Variants in GRM1 observed in about 807,000 individuals in gnomAD.
The protein encoded by GRM1 is glutamate metabotropic receptor 1.
A neutral mutation model predicts 90.9 loss-of-function variants in GRM1; 33 were observed. The ratio of observed to expected loss-of-function variants is 0.36; its 90% CI spans 0.28 to 0.49. The LOEUF is 0.49. Ranked by LOEUF, GRM1 falls within the 20% of genes least tolerant of loss-of-function variation. The pLI, the probability that GRM1 is intolerant of heterozygous loss-of-function variation, is 0.99. For synonymous variants in GRM1, 700 were observed against 613.2 expected (o/e 1.14, Z -2.09); for missense variants, 1,190 against 1,534.3 (o/e 0.78, Z 3.75).
chr6:146,310,882 C>A (rs1270905693), intron 3 of GRM1, among the ~76,000 whole-genome samples: 1 of 152,164 alleles, frequency 6.6e-6, no homozygotes, highest in Non-Finnish European at 1.5e-5. Flanking sequence ...CAACTCAGAG[C>A]AGCAGAACTT....
intron 1 of GRM1, among the ~76,000 whole-genome samples, chr6:146,134,872 A>T (rs1285593126): frequency 6.6e-6 from 1 of 152,164 alleles, no homozygotes; most frequent in Non-Finnish European, 1.5e-5. Context: ...CAGAGCTTGC[A>T]GTGAGCCAAG....
At chr6:146,418,582 C>T (rs1406753835) in intron 7 of GRM1, among the ~76,000 whole-genome samples, 2 of 150,882 alleles carry the variant, frequency 1.3e-5, no homozygotes, top group African/African-American at 4.9e-5. Flanking sequence ...TTTAAATTTT[C>T]CTGGGGATAT....
intron 5 of GRM1, among the ~76,000 whole-genome samples, chr6:146,386,334 G>C (rs1776500941): frequency 6.6e-6 from 1 of 152,016 alleles, no homozygotes; most frequent in Admixed American, 6.6e-5. Context: ...GAATTCACTA[G>C]AGAAAGTCAG....
intron 3 of GRM1, among the ~76,000 whole-genome samples, chr6:146,347,841 G>A (rs1583362422): frequency 6.6e-6 from 1 of 152,126 alleles, no homozygotes; most frequent in African/African-American, 2.4e-5. Context: ...ATACTGGATC[G>A]GGAACATGGT....
At chr6:146,039,583 G>A (rs1791021213) in intron 1 of GRM1, among the ~76,000 whole-genome samples, 1 of 152,048 alleles carries the variant, frequency 6.6e-6, no homozygotes, top group Middle Eastern at 3.4e-3. Context: ...GGAAAGCTTT[G>A]GAGAAGACAG....
At chr6:146,148,090 T>G (rs963346367) in intron 1 of GRM1, among the ~76,000 whole-genome samples, 2 of 152,182 alleles carry the variant, frequency 1.3e-5, no homozygotes, top group Non-Finnish European at 2.9e-5. Context: ...ATTTCTTATT[T>G]CCTTTGGGAA....
At chr6:146,365,398 G>C (rs150532611) in intron 5 of GRM1, 1 of 152,262 alleles carries the variant, frequency 6.6e-6, no homozygotes, top group East Asian at 1.9e-4. Context: ...CTGTTCTCTT[G>C]GTCACTGAAC....
At chr6:146,330,541 A>G (rs1352376521) in intron 3 of GRM1, among the ~76,000 whole-genome samples, 1 of 152,108 alleles carries the variant, frequency 6.6e-6, no homozygotes. Context: ...TAAATTTTCA[A>G]TTTTATATTG....
chr6:146,316,119 C>T (rs1783957257), intron 3 of GRM1, among the ~76,000 whole-genome samples: 1 of 152,186 alleles, frequency 6.6e-6, no homozygotes, highest in African/African-American at 2.4e-5. Flanking sequence ...ATTAGAGGGT[C>T]AGCAGGCCTG....
chr6:146,138,978 C>G (rs1217372315), intron 1 of GRM1, among the ~76,000 whole-genome samples: 1 of 151,638 alleles, frequency 6.6e-6, no homozygotes, highest in Non-Finnish European at 1.5e-5. Flanking sequence ...AAAATTTCCT[C>G]TTAATACTGC....
intron 2 of GRM1, among the ~76,000 whole-genome samples, chr6:146,240,287 T>A (rs1274393353): frequency 6.6e-6 from 1 of 152,034 alleles, no homozygotes; most frequent in East Asian, 1.9e-4. Flanking sequence ...CCCTGCAGAA[T>A]ACTCATGAGG....
In GRM1 at chr6:146,057,867, TAAGA is replaced by T. The variant is rs1384510598; in HGVS notation, c.700+27653_700+27656del. 2.6e-4 allele frequency among the ~76,000 whole-genome samples: 39 copies of T among 152,226 alleles called. No homozygotes were observed. The East Asian group carries it at 6.6e-3, about 26-fold the overall frequency. ...TTTGGTTTGACTTTTTAATTTTTTT[TAAGA>T]AATTTTTTATTTTCATTGGGTTTTG... On this transcript the variant is annotated intron_variant, in intron 1 of 7. Transcript: ENST00000282753.
At chr6:146,070,480 G>A (rs919556407) in intron 1 of GRM1, among the ~76,000 whole-genome samples, 28 of 152,114 alleles carry the variant, frequency 1.8e-4, no homozygotes, top group Non-Finnish European at 2.4e-4. Flanking sequence ...GTCTTATCTA[G>A]TGATATCCAA....
At chr6:146,249,274 AG>A (rs1413486161) in intron 2 of GRM1, among the ~76,000 whole-genome samples, 1 of 152,170 alleles carries the variant, frequency 6.6e-6, no homozygotes, top group Non-Finnish European at 1.5e-5. Flanking sequence ...AAATGTCTCC[AG>A]GGCATGTCAC....
chr6:146,399,094 C>A lies in GRM1; in HGVS notation c.2055C>A (p.Ile685=). Residue 685 remains isoleucine, a synonymous_variant, in exon 7 of 8, where the codon ATC becomes ATA. Coordinates refer to ENST00000282753, the MANE Select transcript of GRM1 (RefSeq NM_001278064.2). The surrounding 1 kb of genome is among the most constrained non-coding windows in gnomAD (Gnocchi z 5.4). ...LVTKTNRIAR[I]LAGSKKKICT... ...CTAAAACCAATCGTATTGCACGCAT[C>A]CTGGCTGGCAGCAAGAAGAAGATCT... is the stretch of plus-strand genomic sequence containing the variant. 6.2e-7 allele frequency: 1 copy of A among 1,614,112 alleles called. No homozygotes were observed. The highest frequency in any genetic ancestry group is 8.5e-7 in the Non-Finnish European group (1 of 1,180,012).
At chr6:146,352,134 C>T (rs1785432428) in intron 3 of GRM1, 116 bp from the exon 4 acceptor site, 3 of 1,013,494 alleles carry the variant, frequency 3.0e-6, no homozygotes, top group South Asian at 2.6e-5. Flanking sequence ...TGGCTTCTGC[C>T]AGTGTCATTG....
At chr6:146,088,017 A>G (rs897632362) in intron 1 of GRM1, among the ~76,000 whole-genome samples, 5 of 152,168 alleles carry the variant, frequency 3.3e-5, no homozygotes, top group African/African-American at 7.2e-5. Context: ...GAAACTGCCA[A>G]ACTATTTTCC....
chr6:146,408,757 G>C (rs1562677684), intron 7 of GRM1, among the ~76,000 whole-genome samples: 1 of 152,158 alleles, frequency 6.6e-6, no homozygotes, highest in East Asian at 1.9e-4. Flanking sequence ...AGGACACCCT[G>C]TATGACACGG....
At chr6:146,044,383 G>A (rs966727520) in intron 1 of GRM1, among the ~76,000 whole-genome samples, 1 of 151,994 alleles carries the variant, frequency 6.6e-6, no homozygotes, top group Middle Eastern at 3.4e-3. Flanking sequence ...CACTTCCCTG[G>A]CCATAATTAC....
Sources: gnomAD v4.1 joint callset for allele counts (sites outside exome capture counted in the v4.1 genomes callset) on GRCh38, gnomAD v4.1.1 for gene constraint, Gnocchi (gnomAD v3.1) non-coding constraint, MANE v1.5 for transcripts, NCBI Gene and HGNC (gene_info 2026-07-23, HGNC 2026-07-21) for gene names.